Variants in PRKG1 observed in about 807,000 individuals in gnomAD.
PRKG1 encodes cGMP-dependent protein kinase 1.
Under a neutral mutation model 88.1 loss-of-function variants are expected in PRKG1, and 35 were observed. The observed-to-expected ratio is 0.40, with a 90% CI of 0.30 to 0.53. PRKG1 has a LOEUF of 0.53. Among genes scored for constraint, PRKG1 ranks in the 20% least tolerant of loss-of-function variants. PRKG1 has a pLI of 0.59. For missense variants in PRKG1, 540 were observed against 839.8 expected (o/e 0.64, Z 4.41); for synonymous variants, 303 against 292.5 (o/e 1.04, Z -0.37).
At chr10:51,916,642 T>C (rs1405604432) in intron 5 of PRKG1, among the ~76,000 whole-genome samples, 1 of 152,180 alleles carries the variant, frequency 6.6e-6, no homozygotes, top group African/African-American at 2.4e-5. Flanking sequence ...TTCTTGTAAC[T>C]GTATGACCTA....
intron 4 of PRKG1, among the ~76,000 whole-genome samples, chr10:51,821,485 G>A (rs1471149730): frequency 6.6e-6 from 1 of 152,016 alleles, no homozygotes; most frequent in Admixed American, 6.6e-5. Flanking sequence ...AAAGAGGTTT[G>A]TTCCAGATCC....
At chr10:51,063,034 A>G (rs1843710783) in intron 1 of PRKG1, 1 of 152,232 alleles carries the variant, frequency 6.6e-6, no homozygotes, top group African/African-American at 2.4e-5. Context: ...ATTTTTCTTA[A>G]AAACTTTGAA....
intron 3 of PRKG1, among the ~76,000 whole-genome samples, chr10:51,481,213 G>GTTCC (rs1262946258): frequency 3.9e-5 from 4 of 103,810 alleles, no homozygotes; most frequent in Non-Finnish European, 5.7e-5. Context: ...CCCTCCTTTC[G>GTTCC]TTCCTTCCTT....
intron 9 of PRKG1, among the ~76,000 whole-genome samples, chr10:52,177,640 G>A (rs762738467): frequency 6.6e-6 from 1 of 151,894 alleles, no homozygotes; most frequent in Non-Finnish European, 1.5e-5. Context: ...TACTTTTGTT[G>A]GGAAACTTTT....
At chr10:52,122,119 G>A (rs1488553144) in intron 7 of PRKG1, among the ~76,000 whole-genome samples, 1 of 152,206 alleles carries the variant, frequency 6.6e-6, no homozygotes, top group African/African-American at 2.4e-5. Context: ...CACATCTGGT[G>A]AGGGTCTTCT....
At chr10:51,837,660 C>A (rs115722666) in intron 4 of PRKG1, among the ~76,000 whole-genome samples, 1 of 152,084 alleles carries the variant, frequency 6.6e-6, no homozygotes, top group Admixed American at 6.6e-5. Context: ...GATCTCATAA[C>A]CTACATGCAT....
chr10:52,179,723 C>G (rs142830196), intron 9 of PRKG1, among the ~76,000 whole-genome samples: 65 of 152,240 alleles, frequency 4.3e-4, no homozygotes, highest in Non-Finnish European at 8.7e-4. Flanking sequence ...GAGTCTTGCA[C>G]TCTCACCTGG....
chr10:51,728,449 CTTTGTTTTTTTTTT>C (rs1407405181), intron 3 of PRKG1, among the ~76,000 whole-genome samples: 3 of 57,916 alleles, frequency 5.2e-5, no homozygotes, highest in East Asian at 4.8e-4. Context: ...TCCATTTTTT[CTTTGTTTTTTTTTT>C]TTTTTTTTTT....
chr10:51,416,479 G>C (rs1470128887), intron 2 of PRKG1, among the ~76,000 whole-genome samples: 1 of 152,074 alleles, frequency 6.6e-6, no homozygotes, highest in African/African-American at 2.4e-5. Context: ...ATAGTGTCAT[G>C]GTTTGTCATT....
At chr10:52,105,585 C>T (rs1365260882) in intron 7 of PRKG1, among the ~76,000 whole-genome samples, 2 of 151,966 alleles carry the variant, frequency 1.3e-5, no homozygotes, top group African/African-American at 4.8e-5. Flanking sequence ...AGTGAACTTG[C>T]ACTTTTATTT....
intron 5 of PRKG1, among the ~76,000 whole-genome samples, chr10:51,998,705 A>AT (rs1844516907): frequency 6.6e-6 from 1 of 152,180 alleles, no homozygotes; most frequent in Admixed American, 6.5e-5. Context: ...TTACCCTATA[A>AT]TTTTTGTATA....
chr10:52,103,368 GC>G lies in PRKG1; in HGVS notation c.936-30471del, dbSNP rs370366772. ...TCTTCTCCATCCTCTACCTCTTCTAGCTCTGCCACCCAGAGACAGCATTATC... is the reference window on the plus strand; with the variant it reads ...TCTTCTCCATCCTCTACCTCTTCTAGTCTGCCACCCAGAGACAGCATTATC... On this transcript the variant is annotated intron_variant, in intron 7 of 17. Transcript: ENST00000373980. Among the ~76,000 whole-genome samples the G allele has an allele frequency of 4.5e-4, 69 of 152,150 alleles. No individual in the cohort carries two copies. In the East Asian group the frequency reaches 0.011, roughly 25 times the overall value.
intron 3 of PRKG1, among the ~76,000 whole-genome samples, chr10:51,503,071 T>C (rs1244877241): frequency 2.0e-5 from 3 of 152,160 alleles, no homozygotes; most frequent in African/African-American, 4.8e-5. Context: ...CAAATCATCA[T>C]GTAGGTCATA....
rs576572496 is a variant in PRKG1, at chr10:51,451,326, G to T, written c.479-16397G>T. The stretch of plus-strand genomic sequence containing the variant: ...ATGTCCATAATACTCTTAAACTAAC[G>T]TGATTTGTTACTGTTGTTTGTTACC... On this transcript the variant is annotated intron_variant, in intron 2 of 17. Coordinates refer to ENST00000373980, the MANE Select transcript of PRKG1 (RefSeq NM_006258.4). Among the ~76,000 whole-genome samples the T allele has an allele frequency of 7.1e-4, 108 of 151,412 alleles. 1 individual carries two copies. Among genetic ancestry groups the T allele is most frequent in the African/African-American group, 2.5e-3 (103 of 41,346 alleles).
At chr10:51,769,969 G>A (rs997100352) in intron 3 of PRKG1, among the ~76,000 whole-genome samples, 2 of 152,248 alleles carry the variant, frequency 1.3e-5, no homozygotes, top group Non-Finnish European at 2.9e-5. Context: ...TATGGGCCGT[G>A]TGTTGTACAA....
intron 4 of PRKG1, among the ~76,000 whole-genome samples, chr10:51,826,676 G>T (rs1839889133): frequency 6.6e-6 from 1 of 152,128 alleles, no homozygotes; most frequent in African/African-American, 2.4e-5. Context: ...TGGGGAAAGG[G>T]TTTCTTTACA....
chr10:51,234,382 T>C (rs1838927248), intron 2 of PRKG1, among the ~76,000 whole-genome samples: 2 of 152,334 alleles, frequency 1.3e-5, no homozygotes, highest in South Asian at 4.1e-4. Context: ...GCTGCTTCGT[T>C]GTAAGGAGAG....
intron 4 of PRKG1, among the ~76,000 whole-genome samples, chr10:51,903,100 C>G (rs1842015206): frequency 1.3e-5 from 2 of 151,982 alleles, no homozygotes; most frequent in African/African-American, 4.8e-5. Flanking sequence ...AATAAAATTA[C>G]TAAGATGAAT....
intron 3 of PRKG1, among the ~76,000 whole-genome samples, chr10:51,761,298 G>C (rs1838016508): frequency 6.6e-6 from 1 of 152,122 alleles, no homozygotes; most frequent in African/African-American, 2.4e-5. Flanking sequence ...CTTTCAATCA[G>C]CTTTGCTTAG....
Sources: gnomAD v4.1 joint callset for allele counts (sites outside exome capture counted in the v4.1 genomes callset) on GRCh38, gnomAD v4.1.1 for gene constraint, MANE v1.5 for transcripts, NCBI Gene and HGNC (gene_info 2026-07-23, HGNC 2026-07-21) for gene names.